FGF12: variants seen among roughly 807,000 people sequenced by gnomAD.
FGF12 encodes the protein fibroblast growth factor 12B.
FGF12 carries 14 observed loss-of-function variants against 23.6 expected under a neutral mutation model. The ratio of observed to expected loss-of-function variants is 0.59; its 90% CI spans 0.39 to 0.93. FGF12 has a LOEUF of 0.93. FGF12 is among the 40% of genes least tolerant of loss of function. The pLI is 0.00. For synonymous variants in FGF12, 62 were observed against 77.3 expected, an observed-to-expected ratio of 0.80 and a Z score of 1.04; for missense variants, 175 against 217.8, an observed-to-expected ratio of 0.80 and a Z score of 1.24.
intron 2 of FGF12, among the ~76,000 whole-genome samples, chr3:192,377,656 T>C (rs1361761798): frequency 1.3e-5 from 2 of 152,202 alleles, no homozygotes; most frequent in Non-Finnish European, 2.9e-5. Context: ...AAAAACACTC[T>C]GAATGACTGA....
chr3:192,645,056 C>CG (rs1715952082), intron 2 of FGF12, among the ~76,000 whole-genome samples: 1 of 152,114 alleles, frequency 6.6e-6, no homozygotes, highest in Admixed American at 6.6e-5. Context: ...TAGCATATTT[C>CG]GGGGAATAAA....
intron 4 of FGF12, among the ~76,000 whole-genome samples, chr3:192,319,165 T>A (rs951017662): frequency 1.3e-5 from 2 of 152,000 alleles, no homozygotes; most frequent in Non-Finnish European, 2.9e-5. Flanking sequence ...GAATGAGCAA[T>A]AAGAAACCAT....
intron 2 of FGF12, among the ~76,000 whole-genome samples, chr3:192,618,854 C>A (rs1005467138): frequency 5.3e-5 from 8 of 151,996 alleles, no homozygotes; most frequent in Non-Finnish European, 1.2e-4. Flanking sequence ...GTTCACCAAT[C>A]CCTACTAAGT....
intron 4 of FGF12, among the ~76,000 whole-genome samples, chr3:192,264,768 T>C (rs1712976192): frequency 6.6e-6 from 1 of 152,118 alleles, no homozygotes; most frequent in Non-Finnish European, 1.5e-5. Flanking sequence ...ATCAAGACTC[T>C]ACTTCTCAAC....
chr3:192,250,364 T>A (rs1192303776), intron 4 of FGF12, among the ~76,000 whole-genome samples: 1 of 152,152 alleles, frequency 6.6e-6, no homozygotes, highest in East Asian at 1.9e-4. Flanking sequence ...TGTGCATAAG[T>A]TATGGTCAGC....
At chr3:192,351,590 A>C (rs1012676911) in intron 3 of FGF12, among the ~76,000 whole-genome samples, 3 of 152,198 alleles carry the variant, frequency 2.0e-5, no homozygotes, top group Non-Finnish European at 4.4e-5. Flanking sequence ...GCTTACATAC[A>C]ATCATTCCCC....
chr3:192,183,188 G>C (rs1292144659), intron 4 of FGF12, among the ~76,000 whole-genome samples: 1 of 149,114 alleles, frequency 6.7e-6, no homozygotes, highest in African/African-American at 2.5e-5. Context: ...GAGCATGTAA[G>C]ATTTTTTTTT....
At chr3:192,554,818 T>G (rs1203251053) in intron 2 of FGF12, among the ~76,000 whole-genome samples, 1 of 150,612 alleles carries the variant, frequency 6.6e-6, no homozygotes, top group Non-Finnish European at 1.5e-5. Context: ...ATGAATAAAA[T>G]GAGAATATCA....
In FGF12 at chr3:192,465,113, G is replaced by T. The variant is rs537901552; in HGVS notation, c.14-104575C>A. 4.6e-5 allele frequency among the ~76,000 whole-genome samples: 7 copies of T among 152,288 alleles called. No individual in the cohort carries two copies. In the East Asian group the frequency reaches 1.2e-3, roughly 25 times the overall value. Reference sequence around the variant, plus strand: ...CCTCACTGGCATCTAAATTGGGGCAGATTAAATCCCAATTATTTGTTAAAA... The same window carrying T: ...CCTCACTGGCATCTAAATTGGGGCATATTAAATCCCAATTATTTGTTAAAA... On this transcript the variant is annotated intron_variant, in intron 2 of 5. Coordinates refer to ENST00000445105, the MANE Select transcript of FGF12 (RefSeq NM_004113.6).
chr3:192,379,577 A>C (rs544707551), intron 2 of FGF12, among the ~76,000 whole-genome samples: 112 of 152,358 alleles, frequency 7.4e-4, no homozygotes, highest in African/African-American at 2.5e-3. Context: ...AATATTTACA[A>C]AGTGGCTATT....
At chr3:192,667,421 T>C (rs1426156106) in intron 2 of FGF12, among the ~76,000 whole-genome samples, 1 of 151,272 alleles carries the variant, frequency 6.6e-6, no homozygotes, top group Non-Finnish European at 1.5e-5. Context: ...CTGGTCAATA[T>C]GGTGAAACCC....
At chr3:192,706,865 A>G (rs1460946397) in intron 2 of FGF12, among the ~76,000 whole-genome samples, 1 of 152,224 alleles carries the variant, frequency 6.6e-6, no homozygotes, top group African/African-American at 2.4e-5. Flanking sequence ...TTAAGCCAAG[A>G]TTCTAAGGCG....
intron 2 of FGF12, among the ~76,000 whole-genome samples, chr3:192,561,620 C>T (rs1206349232): frequency 6.6e-6 from 1 of 152,108 alleles, no homozygotes; most frequent in African/African-American, 2.4e-5. Flanking sequence ...CCTCGGCCTC[C>T]CAAAGTGCTG....
rs1226560174 is a variant in FGF12 at position 192,139,974 on chromosome 3, C to T, written c.*4035G>A. On this transcript the variant is annotated 3_prime_UTR_variant, in exon 6 of 6. Coordinates refer to ENST00000445105, the MANE Select transcript of FGF12 (RefSeq NM_004113.6). ...TGTAACTAAAAAATAATTTCCTGTG[C>T]ATCACAAGGGGGATTAAAAATCACC... is the stretch of plus-strand genomic sequence containing the variant. The T allele has an allele frequency of 6.6e-6, 1 of 151,960 alleles. No individual in the cohort carries two copies. Among genetic ancestry groups the T allele is most frequent in the Non-Finnish European group, 1.5e-5 (1 of 67,912 alleles). The allele number at this position is 151,960 out of a possible 1,614,324, so 9.4% of individuals were successfully genotyped here.
In FGF12 at chr3:192,401,005, A is replaced by C. The variant is rs144557291; in HGVS notation, c.14-40467T>G. ...GAGTACCCCGAAGAGCTTTGTGCTT[A>C]TGTAGTTTATATCTCTCAATATTTA... is the stretch of plus-strand genomic sequence containing the variant. On this transcript the variant is annotated intron_variant, in intron 2 of 5. Transcript: ENST00000445105. 3.1e-3 allele frequency among the ~76,000 whole-genome samples: 465 copies of C among 152,332 alleles called. 3 individuals are homozygous for C. The highest frequency in any genetic ancestry group is 5.0e-3 in the South Asian group (24 of 4,820).
In FGF12 at chr3:192,212,786, TGG is replaced by T. The variant is rs35232167; in HGVS notation, c.229-42132_229-42131del. 4.3e-4 allele frequency among the ~76,000 whole-genome samples: 61 copies of T among 141,520 alleles called. 1 individual carries two copies. Among genetic ancestry groups the T allele is most frequent in the African/African-American group, 8.8e-4 (34 of 38,438 alleles). The allele number at this position is 141,520 out of a possible 152,430, so 92.8% of individuals were successfully genotyped here. A position where few individuals can be genotyped will look rare whatever the true frequency, so the allele number is the denominator to read the frequency against. On this transcript the variant is annotated intron_variant, in intron 4 of 5. Transcript: ENST00000445105. ...TTCTCAACATTAAAATTCACAAAAATGGGGGGGGGGTTAAAAAAAGAAATAAA... is the reference window on the plus strand; with the variant it reads ...TTCTCAACATTAAAATTCACAAAAATGGGGGGGGTTAAAAAAAGAAATAAA...
At chr3:192,246,853 GAA>G (rs1711614176) in intron 4 of FGF12, among the ~76,000 whole-genome samples, 1 of 139,154 alleles carries the variant, frequency 7.2e-6, no homozygotes, top group South Asian at 2.3e-4. Context: ...AGAGAGAGAG[GAA>G]AGAGAGAGAG....
intron 4 of FGF12, among the ~76,000 whole-genome samples, chr3:192,195,478 T>A (rs1258365206): frequency 2.0e-5 from 3 of 152,214 alleles, no homozygotes; most frequent in African/African-American, 7.2e-5. Context: ...ACAAAAACAC[T>A]TACCGTTATT....
At chr3:192,331,399 G>A (rs1717116470) in intron 4 of FGF12, among the ~76,000 whole-genome samples, 1 of 150,584 alleles carries the variant, frequency 6.6e-6, no homozygotes, top group South Asian at 2.1e-4. Flanking sequence ...CATGTTCATT[G>A]CAGCAGTAAT....
Sources: allele counts gnomAD v4.1 joint callset (sites outside exome capture counted in the v4.1 genomes callset), GRCh38; gene constraint gnomAD v4.1.1; transcripts MANE v1.5; gene names NCBI Gene and HGNC (gene_info 2026-07-23, HGNC 2026-07-21).